CDK14: variants seen among roughly 807,000 people sequenced by gnomAD.
CDK14 encodes cyclin dependent kinase 14, also known as cyclin-dependent kinase 14.
A neutral mutation model predicts 60.7 loss-of-function variants in CDK14; 34 were observed. The ratio of observed to expected loss-of-function variants is 0.56; its 90% CI spans 0.43 to 0.75. CDK14 has a LOEUF of 0.75. Among genes scored for constraint, CDK14 ranks in the 30% least tolerant of loss-of-function variants. The pLI is 0.00. For synonymous variants in CDK14, 197 were observed against 203.7 expected (o/e 0.97, Z 0.28); for missense variants, 482 against 564.1 (o/e 0.85, Z 1.47).
At chr7:91,052,927 C>G (rs1487004125) in intron 11 of CDK14, among the ~76,000 whole-genome samples, 1 of 152,080 alleles carries the variant, frequency 6.6e-6, no homozygotes, top group African/African-American at 2.4e-5. Context: ...CTGCTAAAAA[C>G]TAATCCTACA....
chr7:90,917,793 C>T, intron 8 of CDK14, 69 bp downstream of exon 8: 1 of 1,494,832 alleles, frequency 6.7e-7, no homozygotes, highest in Non-Finnish European at 9.2e-7. Flanking sequence ...GGTGGCACTG[C>T]ATTTGTTTAG....
intron 5 of CDK14, among the ~76,000 whole-genome samples, chr7:90,799,947 C>G (rs894586243): frequency 6.6e-6 from 1 of 151,904 alleles, no homozygotes; most frequent in Non-Finnish European, 1.5e-5. Context: ...AAGGCAGCAT[C>G]CACATAGGAC....
At chr7:91,094,411 C>G (rs1461728499) in intron 12 of CDK14, among the ~76,000 whole-genome samples, 3 of 152,020 alleles carry the variant, frequency 2.0e-5, no homozygotes, top group Admixed American at 6.6e-5. Flanking sequence ...ACAAGTGTAG[C>G]GGTGGGGGAG....
chr7:91,087,443 T>C (rs1346702380), intron 12 of CDK14, among the ~76,000 whole-genome samples: 1 of 152,180 alleles, frequency 6.6e-6, no homozygotes, highest in East Asian at 1.9e-4. Context: ...TTTGGTAGCA[T>C]AGGAACCAGG....
intron 14 of CDK14, among the ~76,000 whole-genome samples, chr7:91,194,603 A>G (rs1261033560): frequency 6.6e-6 from 1 of 152,186 alleles, no homozygotes; most frequent in Non-Finnish European, 1.5e-5. Context: ...AAAGGACTTA[A>G]CAGAGGGCCA....
intron 5 of CDK14, among the ~76,000 whole-genome samples, chr7:90,812,771 G>C (rs1032744407): frequency 1.3e-5 from 2 of 152,152 alleles, no homozygotes; most frequent in African/African-American, 4.8e-5. Context: ...ACAATACCAA[G>C]TGTTTCATAT....
At chr7:90,857,115 G>GAAA (rs5885747) in intron 5 of CDK14, among the ~76,000 whole-genome samples, 44 of 146,998 alleles carry the variant, frequency 3.0e-4, no homozygotes, top group African/African-American at 9.5e-4. Flanking sequence ...AATGGTTTTG[G>GAAA]AAAAAAAAAA....
chr7:90,905,346 A>G (rs1281530393), intron 7 of CDK14, among the ~76,000 whole-genome samples: 2 of 152,186 alleles, frequency 1.3e-5, no homozygotes, highest in African/African-American at 4.8e-5. Flanking sequence ...CCACAAAGAA[A>G]ACCAAACAAA....
chr7:90,624,726 A>G (rs1393286949), intron 2 of CDK14, among the ~76,000 whole-genome samples: 4 of 152,192 alleles, frequency 2.6e-5, no homozygotes, highest in South Asian at 2.1e-4. Flanking sequence ...CTGCTCCACC[A>G]CTTAGTAGCT....
intron 12 of CDK14, among the ~76,000 whole-genome samples, chr7:91,106,063 A>AT (rs1224628484): frequency 6.6e-6 from 1 of 152,240 alleles, no homozygotes; most frequent in African/African-American, 2.4e-5. Flanking sequence ...AAATTACAAA[A>AT]TGAGAGAAGA....
intron 7 of CDK14, among the ~76,000 whole-genome samples, chr7:90,916,904 A>G (rs917899095): frequency 6.6e-6 from 1 of 152,208 alleles, no homozygotes; most frequent in African/African-American, 2.4e-5. Flanking sequence ...TTCTTCCAAA[A>G]GTATTACTCT....
chr7:91,107,986 T>C (rs1429478370), intron 12 of CDK14, among the ~76,000 whole-genome samples: 2 of 152,220 alleles, frequency 1.3e-5, no homozygotes, highest in African/African-American at 2.4e-5. Flanking sequence ...ATTTGGATTA[T>C]GATCAGCTTG....
At chr7:91,074,452 A>G (rs1389475015) in intron 11 of CDK14, among the ~76,000 whole-genome samples, 1 of 152,212 alleles carries the variant, frequency 6.6e-6, no homozygotes. Flanking sequence ...GTTGAAACCA[A>G]TGAGAACAAA....
chr7:91,168,874 TAA>T (rs58841945), intron 14 of CDK14, among the ~76,000 whole-genome samples: 1 of 152,178 alleles, frequency 6.6e-6, no homozygotes, highest in Admixed American at 6.5e-5. Flanking sequence ...TCCAGAGTCA[TAA>T]AACAAGTTCA....
At chr7:90,793,710 G>A (rs533244992) in intron 5 of CDK14, among the ~76,000 whole-genome samples, 12 of 1,062 alleles carry the variant, frequency 0.011, no homozygotes, top group African/African-American at 0.085. Flanking sequence ...TGGCATTTAC[G>A]TGAGAAACTC....
chr7:90,890,057 T>G (rs575789917), intron 6 of CDK14, among the ~76,000 whole-genome samples: 18 of 152,366 alleles, frequency 1.2e-4, no homozygotes, highest in African/African-American at 4.1e-4. Context: ...AATGTTTTGT[T>G]TGTTATTCAC....
intron 7 of CDK14, among the ~76,000 whole-genome samples, chr7:90,916,142 A>G (rs1793073869): frequency 6.6e-6 from 1 of 152,094 alleles, no homozygotes; most frequent in Non-Finnish European, 1.5e-5. Context: ...AGGAGTATGA[A>G]TTTTCTTAGA....
chr7:90,705,098 C>T (rs1801869152), intron 2 of CDK14, among the ~76,000 whole-genome samples: 4 of 151,778 alleles, frequency 2.6e-5, no homozygotes. Flanking sequence ...ATTTGAAAAG[C>T]AACTTATTTT....
At chr7:90,691,273 A>G (rs923897206) in intron 2 of CDK14, among the ~76,000 whole-genome samples, 1 of 151,150 alleles carries the variant, frequency 6.6e-6, no homozygotes, top group Non-Finnish European at 1.5e-5. Flanking sequence ...GACACAGGTA[A>G]AATTTGTTTG....
Sources: allele counts gnomAD v4.1 joint callset (sites outside exome capture counted in the v4.1 genomes callset), GRCh38; gene constraint gnomAD v4.1.1; transcripts MANE v1.5; gene names NCBI Gene and HGNC (gene_info 2026-07-23, HGNC 2026-07-21).